Variants in CCSER1 observed in about 807,000 individuals in gnomAD.
CCSER1 encodes serine-rich coiled-coil domain-containing protein 1.
Under a neutral mutation model 82.0 loss-of-function variants are expected in CCSER1, and 41 were observed. The ratio of observed to expected loss-of-function variants is 0.50; its 90% CI spans 0.39 to 0.65. CCSER1 has a LOEUF of 0.65. Ranked by LOEUF, CCSER1 falls within the 30% of genes least tolerant of loss-of-function variation. The pLI, the probability that CCSER1 is intolerant of heterozygous loss-of-function variation, is 0.00. For synonymous variants in CCSER1, 414 were observed against 383.9 expected (o/e 1.08, Z -0.92); for missense variants, 1,119 against 1,064.2 (o/e 1.05, Z -0.72).
intron 3 of CCSER1, among the ~76,000 whole-genome samples, chr4:90,372,927 C>G (rs867206569): frequency 7.7e-6 from 1 of 129,602 alleles, no homozygotes; most frequent in Non-Finnish European, 1.8e-5. Context: ...GTGGAGCACA[C>G]TAAAGAAATA....
At chr4:90,322,912 A>G (rs574856474) in intron 3 of CCSER1, among the ~76,000 whole-genome samples, 128 of 152,156 alleles carry the variant, frequency 8.4e-4, no homozygotes, top group Middle Eastern at 3.4e-3. Context: ...AAGGTCTGTG[A>G]CAACTGCTGC....
At chr4:91,277,483 A>C (rs1340400223) in intron 10 of CCSER1, among the ~76,000 whole-genome samples, 1 of 139,228 alleles carries the variant, frequency 7.2e-6, no homozygotes, top group Non-Finnish European at 1.5e-5. Context: ...TTTGTCCATA[A>C]TAGTCTCTGA....
intron 10 of CCSER1, among the ~76,000 whole-genome samples, chr4:91,443,400 C>T (rs1414879096): frequency 6.7e-6 from 1 of 150,132 alleles, no homozygotes; most frequent in Non-Finnish European, 1.5e-5. Context: ...TAAACTATCG[C>T]AAGGACAAAA....
At chr4:91,070,113 T>C (rs1721273801) in intron 9 of CCSER1, among the ~76,000 whole-genome samples, 1 of 151,976 alleles carries the variant, frequency 6.6e-6, no homozygotes, top group South Asian at 2.1e-4. Flanking sequence ...GCCTCCCAAG[T>C]AGCTGGGATT....
intron 1 of CCSER1, among the ~76,000 whole-genome samples, chr4:90,266,441 C>G (rs1725242003): frequency 6.7e-6 from 1 of 150,014 alleles, no homozygotes; most frequent in African/African-American, 2.5e-5. Context: ...TTTTGTGGAG[C>G]AAGATGACCA....
intron 5 of CCSER1, among the ~76,000 whole-genome samples, chr4:90,503,534 G>GT (rs1471935303): frequency 6.6e-6 from 1 of 151,994 alleles, no homozygotes; most frequent in Non-Finnish European, 1.5e-5. Flanking sequence ...TTAACATTAG[G>GT]TATATCTCCT....
chr4:90,687,283 A>G (rs1734983258), intron 6 of CCSER1, among the ~76,000 whole-genome samples: 2 of 152,146 alleles, frequency 1.3e-5, no homozygotes, highest in African/African-American at 4.8e-5. Context: ...TAGATAGAAC[A>G]AATAATACTT....
intron 10 of CCSER1, among the ~76,000 whole-genome samples, chr4:91,218,487 G>T (rs548707875): frequency 6.6e-6 from 1 of 152,236 alleles, no homozygotes; most frequent in Non-Finnish European, 1.5e-5. Flanking sequence ...GGGAGGTGCC[G>T]AGAGCAAGTG....
chr4:91,339,970 A>G (rs1459658888), intron 10 of CCSER1, among the ~76,000 whole-genome samples: 2 of 152,052 alleles, frequency 1.3e-5, no homozygotes, highest in Non-Finnish European at 2.9e-5. Context: ...TACAAAAATT[A>G]GCCAGGAGTG....
chr4:91,493,748 CATG>C (rs1489688639), intron 10 of CCSER1, among the ~76,000 whole-genome samples: 4 of 151,584 alleles, frequency 2.6e-5, no homozygotes, highest in South Asian at 4.1e-4. Flanking sequence ...TTCATCAACT[CATG>C]AGGTGATTCC....
chr4:90,210,779 C>G (rs1363563824), intron 1 of CCSER1, among the ~76,000 whole-genome samples: 3 of 152,108 alleles, frequency 2.0e-5, no homozygotes, highest in Non-Finnish European at 2.9e-5. Flanking sequence ...AAATAAAAGA[C>G]ACAGATGGCA....
At chr4:90,881,430 C>T (rs1721300274) in intron 8 of CCSER1, among the ~76,000 whole-genome samples, 2 of 152,078 alleles carry the variant, frequency 1.3e-5, no homozygotes, top group African/African-American at 4.8e-5. Context: ...TGAGATAACT[C>T]CAAGACCTTT....
rs115066753 is a variant in CCSER1, at chr4:90,977,715, A to G, written c.2172+54268A>G. Among the ~76,000 whole-genome samples the G allele has an allele frequency of 8.7e-3, 1,324 of 151,716 alleles. 36 individuals carry two copies. Among genetic ancestry groups the G allele is most frequent in the African/African-American group, 0.031 (1,269 of 41,396 alleles). On this transcript the variant is annotated intron_variant, in intron 9 of 10. Transcript: ENST00000509176. ...TACAACATACATAATCTTATATTGT[A>G]ATCATTTGTTTGTATATCTGCCTTC...
chr4:91,375,158 T>C (rs1750316535), intron 10 of CCSER1, among the ~76,000 whole-genome samples: 1 of 152,180 alleles, frequency 6.6e-6, no homozygotes, highest in Non-Finnish European at 1.5e-5. Flanking sequence ...ATATCAACAT[T>C]AACAGGAGTT....
intron 10 of CCSER1, among the ~76,000 whole-genome samples, chr4:91,440,000 C>T (rs1754999659): frequency 6.6e-6 from 1 of 151,516 alleles, no homozygotes; most frequent in Non-Finnish European, 1.5e-5. Context: ...ACTTAGACTC[C>T]CACGCAATAA....
At chr4:90,637,253 G>A (rs1257513783) in intron 6 of CCSER1, among the ~76,000 whole-genome samples, 1 of 152,100 alleles carries the variant, frequency 6.6e-6, no homozygotes, top group African/African-American at 2.4e-5. Context: ...CTTCACTGCT[G>A]GTGCTCAAGA....
In CCSER1 at chr4:91,404,126, A is replaced by T. The variant is rs972576947; in HGVS notation, c.2218-194446A>T. ...AACTTCTTCCTGGTTTAATCTTGGG[A>T]GGGTGTATGTGTCCAGGAATGTATC... On this transcript the variant is annotated intron_variant, in intron 10 of 10. Transcript: ENST00000509176. Among the ~76,000 whole-genome samples, 6 of 152,154 alleles carry T rather than the reference A, an allele frequency of 3.9e-5. No individual in the cohort carries two copies. In the East Asian group the frequency reaches 1.2e-3, roughly 29 times the overall value.
chr4:91,262,759 T>C (rs1741287312), intron 10 of CCSER1, among the ~76,000 whole-genome samples: 1 of 151,992 alleles, frequency 6.6e-6, no homozygotes. Context: ...CTGAAGGAGA[T>C]AATTTTCAAA....
At chr4:90,573,036 G>T (rs940977261) in intron 5 of CCSER1, among the ~76,000 whole-genome samples, 8 of 152,224 alleles carry the variant, frequency 5.3e-5, no homozygotes, top group African/African-American at 1.9e-4. Flanking sequence ...ATTGTGGTCA[G>T]CACAGCACTG....
Sources: gnomAD v4.1 joint callset for allele counts (sites outside exome capture counted in the v4.1 genomes callset) on GRCh38, gnomAD v4.1.1 for gene constraint, MANE v1.5 for transcripts, NCBI Gene and HGNC (gene_info 2026-07-23, HGNC 2026-07-21) for gene names.